The following GNAQ variants were observed in gnomAD, a reference collection of about 807,000 sequenced individuals.
GNAQ encodes the protein guanine nucleotide-binding protein G(q) subunit alpha.
In GNAQ, 8 loss-of-function variants were observed where a neutral mutation model predicts 43.9. That is an observed-to-expected ratio of 0.18 (90% confidence interval 0.11 to 0.33). GNAQ has a LOEUF of 0.33. Ranked by LOEUF, GNAQ falls within the 10% of genes least tolerant of loss-of-function variation. The pLI, the probability that GNAQ is intolerant of heterozygous loss-of-function variation, is 1.00. For synonymous variants in GNAQ, 155 were observed against 170.7 expected (o/e 0.91, Z 0.71); for missense variants, 158 against 450.8 (o/e 0.35, Z 5.88).
chr9:78,004,222 G>A (rs1823678060), intron 1 of GNAQ, among the ~76,000 whole-genome samples: 1 of 150,914 alleles, frequency 6.6e-6, no homozygotes, highest in Admixed American at 6.6e-5. Flanking sequence ...TACTCCAGTT[G>A]GCTATGACTG....
chr9:77,769,931 G>A (rs991876446), intron 5 of GNAQ, among the ~76,000 whole-genome samples: 1 of 152,110 alleles, frequency 6.6e-6, no homozygotes, highest in Non-Finnish European at 1.5e-5. Context: ...CTCCCAAAGT[G>A]CTGGGATTAC....
chr9:77,763,648 A>T (rs1354457892), intron 5 of GNAQ, among the ~76,000 whole-genome samples: 6 of 152,242 alleles, frequency 3.9e-5, no homozygotes, highest in African/African-American at 1.4e-4. Flanking sequence ...TATTATTTAC[A>T]TTCATTACAA....
chr9:77,855,452 T>C (rs1186147655), intron 2 of GNAQ, among the ~76,000 whole-genome samples: 2 of 152,142 alleles, frequency 1.3e-5, no homozygotes, highest in Non-Finnish European at 2.9e-5. Flanking sequence ...AAAAATGACT[T>C]TGCAGGTTTA....
intron 1 of GNAQ, among the ~76,000 whole-genome samples, chr9:77,951,575 A>G (rs1350170453): frequency 6.6e-6 from 1 of 152,154 alleles, no homozygotes; most frequent in Non-Finnish European, 1.5e-5. Flanking sequence ...GTGTACCTAA[A>G]AATGTAATCA....
intron 2 of GNAQ, among the ~76,000 whole-genome samples, chr9:77,878,657 A>G (rs1828164043): frequency 6.6e-6 from 1 of 152,014 alleles, no homozygotes; most frequent in South Asian, 2.1e-4. Flanking sequence ...AAAAGAGAAG[A>G]GGGTAAAAAT....
chr9:77,957,380 AAAAAC>A (rs1471155819), intron 1 of GNAQ, among the ~76,000 whole-genome samples: 3 of 151,928 alleles, frequency 2.0e-5, no homozygotes, highest in Non-Finnish European at 2.9e-5. Flanking sequence ...AAACAAAAAC[AAAAAC>A]AAAACAAACA....
chr9:77,815,803 C>CTAT, intron 2 of GNAQ, 33 bp from the exon 3 acceptor site: 1 of 1,523,800 alleles, frequency 6.6e-7, no homozygotes. Flanking sequence ...TTTTAATACC[C>CTAT]TATTACTTTC....
chr9:77,722,400 G>C (rs1296375345), intron 6 of GNAQ, among the ~76,000 whole-genome samples: 1 of 152,086 alleles, frequency 6.6e-6, no homozygotes, highest in African/African-American at 2.4e-5. Context: ...GCCTCCCAAA[G>C]TGCTGGGATT....
intron 1 of GNAQ, among the ~76,000 whole-genome samples, chr9:77,993,969 T>C (rs1481452968): frequency 6.6e-6 from 1 of 152,170 alleles, no homozygotes; most frequent in Non-Finnish European, 1.5e-5. Context: ...TTTCCCTTAC[T>C]GAAGCTGCTT....
At chr9:77,826,462 TC>T (rs1277929762) in intron 2 of GNAQ, among the ~76,000 whole-genome samples, 2 of 152,216 alleles carry the variant, frequency 1.3e-5, no homozygotes, top group African/African-American at 4.8e-5. Flanking sequence ...CTTCTGATGT[TC>T]TTTCCCCATT....
At chr9:78,030,654 AC>A in intron 1 of GNAQ, 2 of 425,956 alleles carry the variant, frequency 4.7e-6, no homozygotes, top group Non-Finnish European at 9.9e-6. Flanking sequence ...TCCGCTCGCC[AC>A]CCGCTGGGCC....
chr9:77,943,466 G>C (rs1014412162), intron 1 of GNAQ, among the ~76,000 whole-genome samples: 1 of 152,090 alleles, frequency 6.6e-6, no homozygotes, highest in Non-Finnish European at 1.5e-5. Context: ...GTAGTCACAG[G>C]AATAATATGG....
At chr9:77,903,001 G>C (rs1828637299) in intron 2 of GNAQ, among the ~76,000 whole-genome samples, 1 of 152,096 alleles carries the variant, frequency 6.6e-6, no homozygotes, top group African/African-American at 2.4e-5. Flanking sequence ...ATTTGTAGCT[G>C]TCATCAATCT....
chr9:77,769,467 G>A (rs575466850), intron 5 of GNAQ, among the ~76,000 whole-genome samples: 10 of 151,806 alleles, frequency 6.6e-5, no homozygotes, highest in Non-Finnish European at 1.2e-4. Flanking sequence ...CACAGCTGCT[G>A]GAGGAAGGAA....
intron 2 of GNAQ, among the ~76,000 whole-genome samples, chr9:77,883,381 CTT>C (rs1828246499): frequency 6.6e-6 from 1 of 151,884 alleles, no homozygotes; most frequent in Admixed American, 6.6e-5. Context: ...AGAAAAGAAA[CTT>C]ATGAATCAGA....
intron 2 of GNAQ, among the ~76,000 whole-genome samples, chr9:77,873,666 C>G (rs1490353348): frequency 6.6e-6 from 1 of 152,128 alleles, no homozygotes; most frequent in East Asian, 1.9e-4. Context: ...AAAAGTTGGC[C>G]ACAACACTGC....
intron 5 of GNAQ, among the ~76,000 whole-genome samples, chr9:77,778,082 C>T (rs1384493751): frequency 1.3e-5 from 2 of 151,954 alleles, no homozygotes; most frequent in African/African-American, 4.8e-5. Context: ...GTATAATCAA[C>T]TCAAGTATCC....
chr9:77,888,578 T>A (rs1221402461), intron 2 of GNAQ, among the ~76,000 whole-genome samples: 1 of 152,296 alleles, frequency 6.6e-6, no homozygotes, highest in East Asian at 1.9e-4. Flanking sequence ...GATGAACTTT[T>A]ACCATTTAAA....
chr9:77,796,048 T>C (rs999613816), intron 4 of GNAQ, among the ~76,000 whole-genome samples: 2 of 152,156 alleles, frequency 1.3e-5, no homozygotes, highest in African/African-American at 4.8e-5. Context: ...TGTCTCAAAT[T>C]AAAGATTTCT....
Sources: gnomAD v4.1 joint callset for allele counts (sites outside exome capture counted in the v4.1 genomes callset) on GRCh38, gnomAD v4.1.1 for gene constraint, MANE v1.5 for transcripts, NCBI Gene and HGNC (gene_info 2026-07-23, HGNC 2026-07-21) for gene names.